ENTPD5: variants seen among roughly 807,000 people sequenced by gnomAD.
ENTPD5 encodes ectonucleoside triphosphate diphosphohydrolase 5 (inactive).
A neutral mutation model predicts 60.2 loss-of-function variants in ENTPD5; 49 were observed. That is an observed-to-expected ratio of 0.81 (90% CI 0.65 to 1.03). ENTPD5 has a LOEUF of 1.03. ENTPD5 is among the 50% of genes least tolerant of loss of function. The pLI is 0.00. For synonymous variants in ENTPD5, 187 were observed against 185.4 expected (o/e 1.01, Z -0.07); for missense variants, 480 against 507.6 (o/e 0.95, Z 0.52).
chr14:74,005,220 C>T (rs574830460), intron 3 of ENTPD5, among the ~76,000 whole-genome samples: 1 of 137,184 alleles, frequency 7.3e-6, no homozygotes, highest in South Asian at 2.3e-4. Flanking sequence ...GAGCTGAGAT[C>T]GCACCATTGC....
At position 73,986,798 on chromosome 14, in the gene ENTPD5, A is replaced by G; in HGVS notation, c.297+16T>C. 1 of 1,600,972 alleles carries G rather than the reference A, an allele frequency of 6.2e-7. No individual in the cohort carries two copies. ...AAGGCATTGAGAATCTAAACATCAA[A>G]TCATAAGAAACTCACCTGCTTAGGT... On this transcript the variant is annotated intron_variant, in intron 5 of 15. Coordinates refer to ENST00000334696, the MANE Select transcript of ENTPD5 (RefSeq NM_001249.5).
intron 14 of ENTPD5, among the ~76,000 whole-genome samples, chr14:73,970,749 G>A (rs532063730): frequency 1.4e-4 from 22 of 152,090 alleles, no homozygotes; most frequent in African/African-American, 4.8e-4. Flanking sequence ...CAGAAGACAG[G>A]GAAATATCAT....
At chr14:73,959,484 G>C (rs2056604203), downstream of ENTPD5, 1 of 1,614,058 alleles carries the variant, frequency 6.2e-7, no homozygotes, top group Non-Finnish European at 8.5e-7. Flanking sequence ...AGTTAGCATG[G>C]ATGAGGAAAA....
intron 3 of ENTPD5, among the ~76,000 whole-genome samples, chr14:74,000,535 C>T (rs1438114953): frequency 2.6e-5 from 4 of 152,024 alleles, no homozygotes; most frequent in Non-Finnish European, 5.9e-5. Flanking sequence ...AATCCCAACA[C>T]TTTGGGAGGC....
intron 4 of ENTPD5, 125 bp downstream of exon 4, chr14:73,987,761 A>C (rs1483624703): frequency 2.7e-6 from 2 of 752,232 alleles, no homozygotes; most frequent in African/African-American, 3.5e-5. Context: ...AGTTCTCTGA[A>C]GAAAGACATC....
chr14:73,967,562 T>C (rs1025557115), intron 15 of ENTPD5, among the ~76,000 whole-genome samples: 8 of 152,066 alleles, frequency 5.3e-5, no homozygotes, highest in African/African-American at 1.9e-4. Flanking sequence ...CTCCTGGCAC[T>C]TTGGGAGGCC....
intron 4 of ENTPD5, chr14:73,987,138 T>G (rs1401274515): frequency 1.9e-5 from 13 of 702,438 alleles, no homozygotes; most frequent in South Asian, 1.6e-4. Context: ...CCAGGCTCCA[T>G]AAGTGACCTG....
Position 73,968,697 on chromosome 14 carries a change from A to G in ENTPD5, c.1200+1313T>C, listed in dbSNP as rs551381120. Among the ~76,000 whole-genome samples the G allele has an allele frequency of 1.4e-4, 21 of 152,272 alleles. No homozygotes were observed. In the South Asian group the frequency reaches 3.9e-3, roughly 29 times the overall value. On this transcript the variant is annotated intron_variant, in intron 15 of 15. Transcript: ENST00000334696. ...CGCCTCAGCCTCCCAAAGTGTTAGGATTACAGGCGTGAGCCATCAGGCCCG... is the reference window on the plus strand; with the variant it reads ...CGCCTCAGCCTCCCAAAGTGTTAGGGTTACAGGCGTGAGCCATCAGGCCCG...
chr14:73,993,912 A>C (rs2140710986), intron 3 of ENTPD5, among the ~76,000 whole-genome samples: 1 of 115,816 alleles, frequency 8.6e-6, no homozygotes, highest in South Asian at 3.2e-4. Context: ...ATCTGTTTTC[A>C]CGAAAAAACA....
At chr14:73,982,745 G>A (rs2057744095) in intron 6 of ENTPD5, among the ~76,000 whole-genome samples, 2 of 151,976 alleles carry the variant, frequency 1.3e-5, no homozygotes, top group East Asian at 1.9e-4. Context: ...GACAGAGTGA[G>A]ACTCCATCTC....
rs148952157 is a variant in ENTPD5, at chr14:73,983,437, A to G, written c.298-276T>C. On this transcript the variant is annotated intron_variant, in intron 5 of 15. Transcript: ENST00000334696. ...CAGGAGTTTGAGATCAGCCTGACCAACATGGTGAAACCCCATCTCCACTAA... is the reference window on the plus strand; with the variant it reads ...CAGGAGTTTGAGATCAGCCTGACCAGCATGGTGAAACCCCATCTCCACTAA... Among the ~76,000 whole-genome samples, 916 of 152,188 alleles carry G rather than the reference A, an allele frequency of 6.0e-3. 8 individuals carry two copies. The highest frequency in any genetic ancestry group is 0.021 in the African/African-American group (875 of 41,534).
rs114586863 is a variant in ENTPD5 at position 74,003,305 on chromosome 14, C to T, written c.-71+7786G>A. The T allele has an allele frequency of 2.7e-3, 1,159 of 428,890 alleles. 13 individuals are homozygous for T. The highest frequency in any genetic ancestry group is 0.022 in the African/African-American group (1,057 of 48,956). 26.6% of individuals were successfully genotyped at this position (428,890 alleles called of 1,614,324 possible). On this transcript the variant is annotated intron_variant, in intron 3 of 15. Coordinates refer to ENST00000334696, the MANE Select transcript of ENTPD5 (RefSeq NM_001249.5). ...GGTGTAACCCAAGAACCTAGAAGAG[C>T]GTCCAAGGTGGAATTCAATAAAAAC...
intron 3 of ENTPD5, among the ~76,000 whole-genome samples, chr14:74,007,243 C>T (rs773371172): frequency 2.0e-5 from 3 of 152,070 alleles, no homozygotes; most frequent in East Asian, 1.9e-4. Context: ...TAGGTATGGC[C>T]GGGCGCGGTG....
At chr14:73,957,622 G>A (rs2056504639), downstream of ENTPD5, among the ~76,000 whole-genome samples, 1 of 151,922 alleles carries the variant, frequency 6.6e-6, no homozygotes, top group African/African-American at 2.4e-5. Context: ...TAAAGATGGG[G>A]TTTTACCATG....
chr14:73,966,911 C>G lies in ENTPD5; in HGVS notation c.*17G>C, dbSNP rs2056995538. ...AAAGGTGTTGGCAAATGCAGGTCTC[C>G]AAGGAAGTACGTGGCCTCAATGGGA... On this transcript the variant is annotated 3_prime_UTR_variant, in exon 16 of 16. Coordinates refer to ENST00000334696, the MANE Select transcript of ENTPD5 (RefSeq NM_001249.5). 6.2e-7 allele frequency: 1 copy of G among 1,608,348 alleles called. No homozygotes were observed. Among genetic ancestry groups the G allele is most frequent in the African/African-American group, 1.3e-5 (1 of 74,800 alleles).
intron 3 of ENTPD5, among the ~76,000 whole-genome samples, chr14:74,010,690 G>C (rs1047742860): frequency 6.6e-6 from 1 of 152,114 alleles, no homozygotes; most frequent in Non-Finnish European, 1.5e-5. Flanking sequence ...GCCTCCAAGG[G>C]CTACAGTAGG....
At chr14:74,004,817 C>A (rs1042092311) in intron 3 of ENTPD5, among the ~76,000 whole-genome samples, 1 of 152,088 alleles carries the variant, frequency 6.6e-6, no homozygotes, top group Admixed American at 6.6e-5. Flanking sequence ...TATCATATCC[C>A]TATATTCTAA....
intron 2 of ENTPD5, among the ~76,000 whole-genome samples, chr14:74,013,579 G>A (rs917102116): frequency 6.6e-6 from 1 of 151,890 alleles, no homozygotes; most frequent in Non-Finnish European, 1.5e-5. Flanking sequence ...TTCCAATGTA[G>A]CCCAAGGAAG....
At chr14:74,002,093 A>G (rs547032937) in intron 3 of ENTPD5, among the ~76,000 whole-genome samples, 1 of 152,280 alleles carries the variant, frequency 6.6e-6, no homozygotes, top group Non-Finnish European at 1.5e-5. Flanking sequence ...AGCTCATTTA[A>G]TCTCACATTA....
Sources: gnomAD v4.1 joint callset for allele counts (sites outside exome capture counted in the v4.1 genomes callset) on GRCh38, gnomAD v4.1.1 for gene constraint, MANE v1.5 for transcripts, NCBI Gene and HGNC (gene_info 2026-07-23, HGNC 2026-07-21) for gene names.